The following ARHGAP22 variants were observed in gnomAD, a reference collection of about 807,000 sequenced individuals.
ARHGAP22 encodes the protein rho GTPase-activating protein 22.
ARHGAP22 carries 48 observed loss-of-function variants against 59.1 expected under a neutral mutation model. The ratio of observed to expected loss-of-function variants is 0.81; its 90% CI spans 0.64 to 1.03. The LOEUF is 1.03. Among genes scored for constraint, ARHGAP22 ranks in the 50% least tolerant of loss-of-function variants. ARHGAP22 has a pLI of 0.00. For missense variants in ARHGAP22, 1,015 were observed against 958.7 expected (o/e 1.06, Z -0.78); for synonymous variants, 445 against 416.4 (o/e 1.07, Z -0.84).
upstream of ARHGAP22, chr10:48,605,156 A>G (rs1300737160): frequency 1.8e-6 from 2 of 1,117,610 alleles, no homozygotes; most frequent in South Asian, 2.6e-5. Context: ...GGCGGGGCCG[A>G]GAGGGGCGGG....
intron 1 of ARHGAP22, among the ~76,000 whole-genome samples, chr10:48,634,686 G>C (rs2136114852): frequency 6.6e-6 from 1 of 152,224 alleles, no homozygotes; most frequent in Admixed American, 6.5e-5. Context: ...TGACAGCTCT[G>C]AGCCCAGGAA....
At chr10:48,480,248 T>C (rs1163296006) in intron 3 of ARHGAP22, among the ~76,000 whole-genome samples, 1 of 152,134 alleles carries the variant, frequency 6.6e-6, no homozygotes. Flanking sequence ...AGAGGCTGGA[T>C]GTTAAACCAG....
intron 3 of ARHGAP22, among the ~76,000 whole-genome samples, chr10:48,481,303 C>T (rs911684143): frequency 1.3e-5 from 2 of 152,006 alleles, no homozygotes; most frequent in African/African-American, 2.4e-5. Flanking sequence ...ATTTGGGCTA[C>T]GAAGGCTGGA....
chr10:48,430,872 T>C, the ARHGAP22 span: 1 of 350,538 alleles, frequency 2.9e-6, no homozygotes, highest in Non-Finnish European at 5.2e-6. Flanking sequence ...TACAGAATGG[T>C]ATGTGGTATG....
chr10:48,471,486 G>A (rs574810907), intron 4 of ARHGAP22, among the ~76,000 whole-genome samples: 3 of 152,270 alleles, frequency 2.0e-5, no homozygotes, highest in South Asian at 2.1e-4. Flanking sequence ...CCAACTGCCC[G>A]CTCAGCATCT....
chr10:48,493,853 G>A (rs2050662157), intron 3 of ARHGAP22, among the ~76,000 whole-genome samples: 1 of 152,156 alleles, frequency 6.6e-6, no homozygotes, highest in African/African-American at 2.4e-5. Context: ...CTATTTATCT[G>A]GCATGTGGGA....
chr10:48,544,154 A>T (rs2056221938), intron 3 of ARHGAP22, among the ~76,000 whole-genome samples: 2 of 151,942 alleles, frequency 1.3e-5, no homozygotes, highest in African/African-American at 4.8e-5. Context: ...GGGTGGGGTC[A>T]GGGGAGAAAC....
At chr10:48,556,842 T>A (rs1244867679) in intron 2 of ARHGAP22, among the ~76,000 whole-genome samples, 2 of 152,078 alleles carry the variant, frequency 1.3e-5, no homozygotes, top group African/African-American at 2.4e-5. Context: ...AGGGGCAAAG[T>A]CACCTGCTGT....
At chr10:48,436,972 T>G in the ARHGAP22 span, 1 of 152,248 alleles carries the variant, frequency 6.6e-6, no homozygotes, top group African/African-American at 2.4e-5. Flanking sequence ...TAGCATAGAT[T>G]ATGTCACTGT....
intron 4 of ARHGAP22, among the ~76,000 whole-genome samples, chr10:48,469,975 T>C (rs4838596): frequency 0.17 from 25,654 of 152,176 alleles, 2,798 homozygotes; most frequent in East Asian, 0.61. Flanking sequence ...TGGAGCCTCC[T>C]TGATTCTGTC....
intron 1 of ARHGAP22, among the ~76,000 whole-genome samples, chr10:48,589,967 C>T (rs541961485): frequency 5.9e-5 from 9 of 152,264 alleles, no homozygotes; most frequent in African/African-American, 1.9e-4. Flanking sequence ...CTGTGTGTAG[C>T]TCCCTCCACA....
At chr10:48,615,703 A>C (rs1185664885) in intron 1 of ARHGAP22, among the ~76,000 whole-genome samples, 1 of 152,210 alleles carries the variant, frequency 6.6e-6, no homozygotes, top group Non-Finnish European at 1.5e-5. Context: ...GCTATTTAAA[A>C]TATATTTAAA....
At chr10:48,439,327 T>G in the ARHGAP22 span, 2 of 150,276 alleles carry the variant, frequency 1.3e-5, no homozygotes, top group Non-Finnish European at 3.0e-5. Flanking sequence ...ATATTTTAAA[T>G]AAAAAAGAAA....
chr10:48,593,856 G>T (rs1209273748), intron 1 of ARHGAP22, among the ~76,000 whole-genome samples: 1 of 152,180 alleles, frequency 6.6e-6, no homozygotes, highest in Non-Finnish European at 1.5e-5. Context: ...TATTCTCAGC[G>T]GGTGCTCGTG....
At chr10:48,484,093 T>G (rs1241362385) in intron 3 of ARHGAP22, among the ~76,000 whole-genome samples, 1 of 152,244 alleles carries the variant, frequency 6.6e-6, no homozygotes, top group Non-Finnish European at 1.5e-5. Context: ...CTCAGTCTTC[T>G]GCATATGGAT....
At position 48,450,723 on chromosome 10, in the gene ARHGAP22, C is replaced by T. The variant is rs2045844252; in HGVS notation, c.1406G>A (p.Arg469His). The change falls in exon 9 of 10, where the codon CGC becomes CAC. Residue 469 changes from arginine (R) to histidine (H), a missense_variant. Physicochemically the swap from Arg to His is conservative, Grantham distance 29 (BLOSUM62 0). Coordinates refer to ENST00000249601, the MANE Select transcript of ARHGAP22 (RefSeq NM_021226.4). ...NWLMNGLSSL[R>H]GHRRASSGDR... Reference sequence around the variant, plus strand: ...TCCCGACGAGGCCCGGCGGTGTCCGCGCAGGGAGGACAGCCCGTTCATAAG... The same window carrying T: ...TCCCGACGAGGCCCGGCGGTGTCCGTGCAGGGAGGACAGCCCGTTCATAAG... The T allele has an allele frequency of 5.1e-6, 8 of 1,555,504 alleles. No homozygotes were observed. The East Asian group carries it at 1.4e-4, about 28-fold the overall frequency.
intron 1 of ARHGAP22, among the ~76,000 whole-genome samples, chr10:48,589,978 C>G (rs944974551): frequency 6.6e-6 from 1 of 152,126 alleles, no homozygotes; most frequent in African/African-American, 2.4e-5. Context: ...TCCCTCCACA[C>G]TGCACCCCAC....
chr10:48,633,995 T>A (rs1158839952), intron 1 of ARHGAP22, among the ~76,000 whole-genome samples: 1 of 152,240 alleles, frequency 6.6e-6, no homozygotes, highest in Non-Finnish European at 1.5e-5. Flanking sequence ...ACCTTCTTCC[T>A]GGCCACCAGG....
chr10:48,481,602 C>T (rs1246987975), intron 3 of ARHGAP22, among the ~76,000 whole-genome samples: 1 of 152,212 alleles, frequency 6.6e-6, no homozygotes, highest in Non-Finnish European at 1.5e-5. Context: ...GTGCCCCTGT[C>T]CTGGGTCCTG....
Sources: gnomAD v4.1 joint callset for allele counts (sites outside exome capture counted in the v4.1 genomes callset) on GRCh38, gnomAD v4.1.1 for gene constraint, MANE v1.5 for transcripts, NCBI Gene and HGNC (gene_info 2026-07-23, HGNC 2026-07-21) for gene names.